Variants in CAST observed in about 807,000 individuals in gnomAD.
CAST encodes the protein MIR583 host.
A neutral mutation model predicts 119.6 loss-of-function variants in CAST; 76 were observed. The observed-to-expected ratio is 0.64, with a 90% CI of 0.53 to 0.77. The LOEUF is 0.77. CAST is among the 30% of genes least tolerant of loss of function. CAST has a pLI of 0.00. For missense variants in CAST, 953 were observed against 946.5 expected (o/e 1.01, Z -0.09); for synonymous variants, 319 against 331.6 (o/e 0.96, Z 0.41).
chr5:96,068,440 C>G, the CAST span, among the ~76,000 whole-genome samples: 1 of 152,050 alleles, frequency 6.6e-6, no homozygotes, highest in Non-Finnish European at 1.5e-5. Context: ...CCTACTGCCT[C>G]ACATTTTTCA....
chr5:96,075,696 G>A, the CAST span, among the ~76,000 whole-genome samples: 1 of 152,170 alleles, frequency 6.6e-6, no homozygotes, highest in Non-Finnish European at 1.5e-5. Context: ...GAGCCATGTT[G>A]AGGAAAGAGG....
At chr5:96,413,525 C>A in the CAST span, among the ~76,000 whole-genome samples, 1 of 152,126 alleles carries the variant, frequency 6.6e-6, no homozygotes, top group East Asian at 1.9e-4. Context: ...TAGAGCCAGG[C>A]GCAGTGGCTC....
chr5:96,373,982 G>A, the CAST span, among the ~76,000 whole-genome samples: 4 of 152,246 alleles, frequency 2.6e-5, no homozygotes, highest in African/African-American at 9.6e-5. Flanking sequence ...GCTGAAAGAC[G>A]TGATGTTTTG....
At chr5:96,612,866 TATAC>T (rs1487006060) in intron 1 of CAST, among the ~76,000 whole-genome samples, 1 of 152,180 alleles carries the variant, frequency 6.6e-6, no homozygotes, top group African/African-American at 2.4e-5. Flanking sequence ...TACACACATA[TATAC>T]ATACATACAC....
chr5:96,040,313 T>C, the CAST span, among the ~76,000 whole-genome samples: 5 of 152,340 alleles, frequency 3.3e-5, no homozygotes, highest in Admixed American at 3.3e-4. Context: ...TCATGTCATC[T>C]GCAAACAGAG....
the CAST span, among the ~76,000 whole-genome samples, chr5:96,125,614 A>T: frequency 6.6e-6 from 1 of 152,250 alleles, no homozygotes; most frequent in South Asian, 2.1e-4. Flanking sequence ...TGCATAAAGG[A>T]TATAATTATA....
At chr5:96,697,352 C>A (rs1198469358) in intron 3 of CAST, among the ~76,000 whole-genome samples, 1 of 151,798 alleles carries the variant, frequency 6.6e-6, no homozygotes, top group Non-Finnish European at 1.5e-5. Flanking sequence ...TCATAGATGT[C>A]ACTTGCTCAA....
intron 1 of CAST, among the ~76,000 whole-genome samples, chr5:96,630,014 T>C (rs1466164315): frequency 6.6e-6 from 1 of 152,228 alleles, no homozygotes; most frequent in Non-Finnish European, 1.5e-5. Context: ...TGGGCCTGCC[T>C]GTAACCTGAG....
intron 1 of CAST, among the ~76,000 whole-genome samples, chr5:96,548,088 A>G (rs1746051536): frequency 6.6e-6 from 1 of 152,200 alleles, no homozygotes; most frequent in Admixed American, 6.5e-5. Flanking sequence ...GGTCCCCAGA[A>G]AGTAGACAAT....
At chr5:96,229,442 G>A in the CAST span, among the ~76,000 whole-genome samples, 1 of 151,926 alleles carries the variant, frequency 6.6e-6, no homozygotes, top group African/African-American at 2.4e-5. Flanking sequence ...GGAAAAAAAA[G>A]ACACTATTTC....
At chr5:96,416,709 T>C in the CAST span, among the ~76,000 whole-genome samples, 2 of 152,188 alleles carry the variant, frequency 1.3e-5, no homozygotes, top group African/African-American at 4.8e-5. Context: ...GAGCTTGAGA[T>C]ATTTGCAAGA....
At chr5:96,371,717 G>A in the CAST span, among the ~76,000 whole-genome samples, 2 of 152,130 alleles carry the variant, frequency 1.3e-5, no homozygotes, top group African/African-American at 2.4e-5. Context: ...TTGGTTGAAA[G>A]TATGAAAAAG....
chr5:96,034,407 A>G, the CAST span, among the ~76,000 whole-genome samples: 1 of 150,484 alleles, frequency 6.6e-6, no homozygotes, highest in Non-Finnish European at 1.5e-5. Flanking sequence ...AGGTTTCTCA[A>G]ATTAAACATA....
the CAST span, among the ~76,000 whole-genome samples, chr5:96,125,567 G>C: frequency 6.6e-6 from 1 of 152,130 alleles, no homozygotes; most frequent in Non-Finnish European, 1.5e-5. Flanking sequence ...GGAAATGCTA[G>C]TAAATGATTT....
chr5:96,531,904 T>C (rs1745696385), intron 1 of CAST, among the ~76,000 whole-genome samples: 2 of 152,096 alleles, frequency 1.3e-5, no homozygotes, highest in Non-Finnish European at 2.9e-5. Flanking sequence ...GAAAATTCAA[T>C]GGGAACTGTA....
chr5:95,966,114 G>T, the CAST span, among the ~76,000 whole-genome samples: 1 of 152,028 alleles, frequency 6.6e-6, no homozygotes, highest in Admixed American at 6.6e-5. Context: ...GGAAGGGTTT[G>T]GGATGGAGCG....
chr5:96,197,253 T>C, the CAST span, among the ~76,000 whole-genome samples: 1 of 152,112 alleles, frequency 6.6e-6, no homozygotes, highest in South Asian at 2.1e-4. Flanking sequence ...CCTTATTTTT[T>C]CCCACAGCCT....
At chr5:96,739,439 T>C in intron 11 of CAST, among the ~76,000 whole-genome samples, 1 of 152,214 alleles carries the variant, frequency 6.6e-6, no homozygotes, top group East Asian at 1.9e-4. Context: ...TAATTTTGAA[T>C]AAAAAATGCA....
the CAST span, among the ~76,000 whole-genome samples, chr5:96,332,054 T>C: frequency 4.6e-5 from 7 of 152,192 alleles, no homozygotes; most frequent in Non-Finnish European, 1.0e-4. Context: ...ACTGGCTCTG[T>C]AAGTGATCTG....
Sources: allele counts gnomAD v4.1 joint callset (sites outside exome capture counted in the v4.1 genomes callset), GRCh38; gene constraint gnomAD v4.1.1; transcripts MANE v1.5; gene names NCBI Gene and HGNC (gene_info 2026-07-23, HGNC 2026-07-21).